The following DSG2 variants were observed in gnomAD, a reference collection of about 807,000 sequenced individuals.
The protein encoded by DSG2 is desmoglein 2.
DSG2 carries 45 observed loss-of-function variants against 75.6 expected under a neutral mutation model. The ratio of observed to expected loss-of-function variants is 0.60; its 90% CI spans 0.47 to 0.76. DSG2 has a LOEUF of 0.76. Among genes scored for constraint, DSG2 ranks in the 30% least tolerant of loss-of-function variants. DSG2 has a pLI of 0.00. For missense variants in DSG2, 1,267 were observed against 1,357.4 expected, an observed-to-expected ratio of 0.93 and a Z score of 1.05; for synonymous variants, 429 against 483.9, an observed-to-expected ratio of 0.89 and a Z score of 1.49.
intron 9 of DSG2, among the ~76,000 whole-genome samples, chr18:31,531,901 A>G (rs1378313820): frequency 6.6e-6 from 1 of 152,232 alleles, no homozygotes; most frequent in Non-Finnish European, 1.5e-5. Flanking sequence ...GTAAATTTAC[A>G]TCTTAGATCT....
intron 1 of DSG2, among the ~76,000 whole-genome samples, chr18:31,507,909 G>A (rs1402199347): frequency 1.3e-5 from 2 of 152,126 alleles, no homozygotes; most frequent in Non-Finnish European, 2.9e-5. Context: ...TTCTTTTGCT[G>A]TGCAGAAGCT....
chr18:31,506,909 C>T (rs566685691), intron 1 of DSG2, among the ~76,000 whole-genome samples: 3 of 151,942 alleles, frequency 2.0e-5, no homozygotes, highest in East Asian at 3.9e-4. Flanking sequence ...GAAAAAGTAT[C>T]GTTTTGCTTT....
At chr18:31,520,624 C>T (rs2073122103) in intron 3 of DSG2, among the ~76,000 whole-genome samples, 179 bp from the exon 4 acceptor site, 1 of 152,174 alleles carries the variant, frequency 6.6e-6, no homozygotes, top group South Asian at 2.1e-4. Context: ...CACTGCCATT[C>T]CCCTAGTCCA....
intron 14 of DSG2, among the ~76,000 whole-genome samples, chr18:31,544,192 ACT>A (rs1345015814): frequency 1.3e-5 from 2 of 152,182 alleles, no homozygotes; most frequent in African/African-American, 4.8e-5. Flanking sequence ...CTGACAGAAC[ACT>A]CTATGCAACA....
Position 31,545,999 on chromosome 18 carries a change from T to C in DSG2, c.2613T>C (p.Cys871=), listed in dbSNP as rs1383004673. The part of the protein sequence containing the change: ...TSMNTASHSL[C]EQTMVNSENT... Reference sequence around the variant, plus strand: ...TGAACACAGCTTCACATTCACTCTGTGAGCAAACTATGGTTAATTCAGAGA... The same window carrying C: ...TGAACACAGCTTCACATTCACTCTGCGAGCAAACTATGGTTAATTCAGAGA... Residue 871 remains cysteine (C), a synonymous_variant, in exon 15 of 15, where the codon TGT becomes TGC. Coordinates refer to ENST00000261590, the MANE Select transcript of DSG2 (RefSeq NM_001943.5). The C allele has an allele frequency of 1.2e-6, 2 of 1,614,200 alleles. No individual in the cohort carries two copies. The highest frequency in any genetic ancestry group is 4.5e-5 in the East Asian group (2 of 44,888).
rs986300951 is a variant in DSG2 at position 31,542,293 on chromosome 18, G to A, written c.2002-227G>A. 99 of 594,792 alleles carry A rather than the reference G, an allele frequency of 1.7e-4. No homozygotes were observed. The African/African-American group carries it at 1.8e-3, about 11-fold the overall frequency. The allele number at this position is 594,792 out of a possible 1,614,324, so 36.8% of individuals were successfully genotyped here. A position where few individuals can be genotyped will look rare whatever the true frequency, so the allele number is the denominator to read the frequency against. The stretch of plus-strand genomic sequence containing the variant: ...GAGTAAAGGAGCTGAGACTGTTTGG[G>A]CTTTGTTTTCTCTTTGGGTTCTATC... On this transcript the variant is annotated intron_variant, in intron 13 of 14. Coordinates refer to ENST00000261590, the MANE Select transcript of DSG2 (RefSeq NM_001943.5).
Position 31,539,069 on chromosome 18 carries a change from A to G in DSG2, c.1879+91A>G, listed in dbSNP as rs996600997. 15 of 1,288,506 alleles carry G rather than the reference A, an allele frequency of 1.2e-5. No individual in the cohort carries two copies. In the East Asian group the frequency reaches 1.4e-4, roughly 12 times the overall value. The allele number at this position is 1,288,506 out of a possible 1,614,324, so 79.8% of individuals were successfully genotyped here. Reference sequence around the variant, plus strand: ...CTATGGTAGTCATTGATTTCTTCACAGTTATTCTTTAACCACACTAGAGCA... The same window carrying G: ...CTATGGTAGTCATTGATTTCTTCACGGTTATTCTTTAACCACACTAGAGCA... On this transcript the variant is annotated intron_variant, in intron 12 of 14. Coordinates refer to ENST00000261590, the MANE Select transcript of DSG2 (RefSeq NM_001943.5).
intron 9 of DSG2, among the ~76,000 whole-genome samples, chr18:31,534,574 G>A (rs575310410): frequency 6.2e-4 from 91 of 146,504 alleles, no homozygotes; most frequent in Admixed American, 9.0e-4. Context: ...GCAGTGGCGC[G>A]ATCTCGGCTC....
chr18:31,546,669 C>T lies in DSG2; in HGVS notation c.3283C>T (p.His1095Tyr), dbSNP rs140193292. Reference sequence around the variant, plus strand: ...AGATTTTGGTTTAGAGGAATCTGGTCATTCTAATTCTACCATAACCACATC... The same window carrying T: ...AGATTTTGGTTTAGAGGAATCTGGTTATTCTAATTCTACCATAACCACATC... ...LPDFGLEESG[H>Y]SNSTITTSST... Residue 1095 changes from histidine to tyrosine, a missense_variant, in exon 15 of 15, where the codon CAT becomes TAT. Coordinates refer to ENST00000261590, the MANE Select transcript of DSG2 (RefSeq NM_001943.5). The T allele has an allele frequency of 6.2e-7, 1 of 1,614,144 alleles. No individual in the cohort carries two copies. Among genetic ancestry groups the T allele is most frequent in the Admixed American group, 1.7e-5 (1 of 60,030 alleles).
chr18:31,542,177 T>C, intron 13 of DSG2: 1 of 350,808 alleles, frequency 2.9e-6, no homozygotes, highest in Non-Finnish European at 5.4e-6. Context: ...TGGGTGGCCA[T>C]GGATCCAGGT....
chr18:31,539,464 C>A, intron 12 of DSG2, among the ~76,000 whole-genome samples: 1 of 152,230 alleles, frequency 6.6e-6, no homozygotes, highest in East Asian at 1.9e-4. Context: ...TCCCCGCTTG[C>A]CTTGTTTCTT....
At chr18:31,519,781 T>C (rs777205604) in intron 2 of DSG2, 22 bp from the exon 3 acceptor site, 1 of 1,610,584 alleles carries the variant, frequency 6.2e-7, no homozygotes, top group East Asian at 2.2e-5. Context: ...TAATAAATTT[T>C]GGCAATATTC....
In DSG2 at chr18:31,547,644, T is replaced by C. The variant is rs1368888780; in HGVS notation, c.*901T>C. 1 of 149,048 alleles carries C rather than the reference T, an allele frequency of 6.7e-6. No homozygotes were observed. The highest frequency in any genetic ancestry group is 2.5e-5 in the African/African-American group (1 of 40,018). 9.2% of individuals were successfully genotyped at this position (149,048 alleles called of 1,614,324 possible). A position where few individuals can be genotyped will look rare whatever the true frequency, so the allele number is the denominator to read the frequency against. ...GTGAGCCGAGATCGCACCATTGCACTCCAGTCTGGGCAACAGAGTGAGATT... is the reference window on the plus strand; with the variant it reads ...GTGAGCCGAGATCGCACCATTGCACCCCAGTCTGGGCAACAGAGTGAGATT... On this transcript the variant is annotated 3_prime_UTR_variant, in exon 15 of 15. Transcript: ENST00000261590.
chr18:31,505,626 C>T (rs2073034963), intron 1 of DSG2, among the ~76,000 whole-genome samples: 1 of 151,150 alleles, frequency 6.6e-6, no homozygotes, highest in Non-Finnish European at 1.5e-5. Flanking sequence ...TTATTTAATG[C>T]CCAGATAGGT....
chr18:31,510,434 G>T (rs1487137031), intron 1 of DSG2, among the ~76,000 whole-genome samples: 1 of 152,172 alleles, frequency 6.6e-6, no homozygotes, highest in Non-Finnish European at 1.5e-5. Context: ...TGTCAGCCAG[G>T]AGGAGCTGTC....
At position 31,546,065 on chromosome 18, in the gene DSG2, T is replaced by C. The variant is rs1432407239; in HGVS notation, c.2679T>C (p.Ser893=). Residue 893 remains serine, a synonymous_variant, in exon 15 of 15, where the codon TCT becomes TCC. Coordinates refer to ENST00000261590, the MANE Select transcript of DSG2 (RefSeq NM_001943.5). ...GCAGTAGCTTCCCAGTTCCAAAATC[T>C]TTGCAAGAAGCCAATGCAGAGAAAG... ...SSGSSFPVPK[S]LQEANAEKVT... is the part of the protein sequence containing the mutation. The C allele has an allele frequency of 1.9e-6, 3 of 1,614,064 alleles. No homozygotes were observed. Among genetic ancestry groups the C allele is most frequent in the African/African-American group, 2.7e-5 (2 of 74,916 alleles).
chr18:31,543,897 G>C lies in DSG2; in HGVS notation c.2334+1045G>C, dbSNP rs186838050. ...AAAAAAAAAAAAAGTATAACATAGA[G>C]ATAAAGTATACTTCAGAACAAGGAA... On this transcript the variant is annotated intron_variant, in intron 14 of 14. Transcript: ENST00000261590. 3.2e-3 allele frequency among the ~76,000 whole-genome samples: 482 copies of C among 148,588 alleles called. 1 individual carries two copies. The highest frequency in any genetic ancestry group is 0.028 in the Middle Eastern group (8 of 282).
intron 1 of DSG2, among the ~76,000 whole-genome samples, chr18:31,512,684 G>C (rs752332275): frequency 6.6e-6 from 1 of 152,226 alleles, no homozygotes; most frequent in South Asian, 2.1e-4. Context: ...CATGGCCTGG[G>C]CGTTCCTTTT....
intron 1 of DSG2, among the ~76,000 whole-genome samples, chr18:31,502,717 C>T (rs768487852): frequency 6.6e-6 from 1 of 151,604 alleles, no homozygotes; most frequent in Non-Finnish European, 1.5e-5. Context: ...TGCCACTGCA[C>T]TCCAGCCTGG....
Sources: gnomAD v4.1 joint callset for allele counts (sites outside exome capture counted in the v4.1 genomes callset) on GRCh38, gnomAD v4.1.1 for gene constraint, MANE v1.5 for transcripts, NCBI Gene and HGNC (gene_info 2026-07-23, HGNC 2026-07-21) for gene names.